Variants in PSME3IP1 observed in about 807,000 individuals in gnomAD.
PSME3IP1 encodes the protein PSME3-interacting protein.
PSME3IP1 carries 13 observed loss-of-function variants against 34.1 expected under a neutral mutation model. The ratio of observed to expected loss-of-function variants is 0.38; its 90% CI spans 0.25 to 0.61. PSME3IP1 has a LOEUF of 0.61. PSME3IP1 is among the 20% of genes least tolerant of loss of function. The pLI, the probability that PSME3IP1 is intolerant of heterozygous loss-of-function variation, is 0.60. For missense variants in PSME3IP1, 237 were observed against 301.4 expected, an observed-to-expected ratio of 0.79 and a Z score of 1.58; for synonymous variants, 93 against 114.3, an observed-to-expected ratio of 0.81 and a Z score of 1.19.
chr16:57,184,423 CACAAA>C lies in PSME3IP1; in HGVS notation c.-16+1393_-16+1397del, dbSNP rs78339973. ...CATAGTGGAAATACAGAAAACCAAA[CACAAA>C]ACAATCTTTTTTTTAAACTTGTCGA... On this transcript the variant is annotated intron_variant, in intron 1 of 6. Coordinates refer to ENST00000309137, the MANE Select transcript of PSME3IP1 (RefSeq NM_024946.4). 1.4e-3 allele frequency among the ~76,000 whole-genome samples: 208 copies of C among 152,258 alleles called. 5 individuals carry two copies. The East Asian group carries it at 0.031, about 22-fold the overall frequency.
intron 1 of PSME3IP1, chr16:57,178,407 T>C (rs150849477): frequency 9.8e-6 from 3 of 305,156 alleles, no homozygotes; most frequent in Non-Finnish European, 1.4e-5. Flanking sequence ...TCTTTGTGTT[T>C]TATCATCTGT....
intron 6 of PSME3IP1, among the ~76,000 whole-genome samples, chr16:57,157,806 C>T (rs563282398): frequency 6.6e-6 from 1 of 152,186 alleles, no homozygotes; most frequent in East Asian, 1.9e-4. Context: ...TGCAGCTGTG[C>T]TTGGGTAGAC....
intron 4 of PSME3IP1, among the ~76,000 whole-genome samples, chr16:57,167,823 A>G (rs1246954365): frequency 6.6e-6 from 1 of 152,204 alleles, no homozygotes; most frequent in Non-Finnish European, 1.5e-5. Context: ...GTGATTTTAC[A>G]CTTGATCTTA....
At position 57,185,889 on chromosome 16, in the gene PSME3IP1, C is replaced by T; in HGVS notation, c.-84G>A. ...CCACCCCAAACCGCCACCGCAGAGC[C>T]GCTCGCTCTTAAAAAAGAAAAAAAA... On this transcript the variant is annotated 5_prime_UTR_variant, in exon 1 of 7. Coordinates refer to ENST00000309137, the MANE Select transcript of PSME3IP1 (RefSeq NM_024946.4). 1 of 983,638 alleles carries T rather than the reference C, an allele frequency of 1.0e-6. No individual in the cohort carries two copies. The highest frequency in any genetic ancestry group is 1.2e-6 in the Non-Finnish European group (1 of 829,756). 60.9% of individuals were successfully genotyped at this position (983,638 alleles called of 1,614,324 possible). A position where few individuals can be genotyped will look rare whatever the true frequency, so the allele number is the denominator to read the frequency against.
chr16:57,159,795 T>C (rs1371407016), intron 6 of PSME3IP1, among the ~76,000 whole-genome samples: 1 of 152,216 alleles, frequency 6.6e-6, no homozygotes, highest in Non-Finnish European at 1.5e-5. Flanking sequence ...TTCATTTGTA[T>C]AGTTCCTACC....
At chr16:57,167,540 C>T (rs1162134459) in intron 4 of PSME3IP1, among the ~76,000 whole-genome samples, 1 of 152,120 alleles carries the variant, frequency 6.6e-6, no homozygotes, top group Non-Finnish European at 1.5e-5. Flanking sequence ...GAAAACAGAT[C>T]TTAAGGAATA....
intron 6 of PSME3IP1, among the ~76,000 whole-genome samples, chr16:57,161,447 A>C (rs1049345953): frequency 2.0e-5 from 3 of 151,820 alleles, no homozygotes; most frequent in Non-Finnish European, 4.4e-5. Context: ...TTATACCTCA[A>C]TACTTTTTTA....
intron 6 of PSME3IP1, among the ~76,000 whole-genome samples, chr16:57,156,857 G>A (rs1219230004): frequency 6.6e-6 from 1 of 152,198 alleles, no homozygotes; most frequent in Admixed American, 6.5e-5. Context: ...TGCTGTTCAG[G>A]GAGTACAGAG....
chr16:57,174,387 A>G (rs988646005), intron 1 of PSME3IP1: 1 of 939,324 alleles, frequency 1.1e-6, no homozygotes, highest in Non-Finnish European at 1.3e-6. Flanking sequence ...AATTTTTATT[A>G]ACATCGATGT....
Position 57,157,066 on chromosome 16 carries a change from G to A in PSME3IP1, c.548-2559C>T, listed in dbSNP as rs529693302. On this transcript the variant is annotated intron_variant, in intron 6 of 6. Coordinates refer to ENST00000309137, the MANE Select transcript of PSME3IP1 (RefSeq NM_024946.4). ...CTCATGCCTGTAATCCCAGCACTTT[G>A]GGAGGCCAAGGCAGGAGGATCATTT... 3.9e-5 allele frequency among the ~76,000 whole-genome samples: 6 copies of A among 152,254 alleles called. No homozygotes were observed. The South Asian group carries it at 6.2e-4, about 16-fold the overall frequency.
intron 4 of PSME3IP1, among the ~76,000 whole-genome samples, chr16:57,167,670 G>A (rs1263506998): frequency 3.9e-5 from 6 of 152,138 alleles, no homozygotes; most frequent in East Asian, 1.9e-4. Context: ...TAGACATCAC[G>A]AAGACTAACT....
Position 57,160,259 on chromosome 16 carries a change from C to A in PSME3IP1, c.547+3742G>T, listed in dbSNP as rs139955294. On this transcript the variant is annotated intron_variant, in intron 6 of 6. Coordinates refer to ENST00000309137, the MANE Select transcript of PSME3IP1 (RefSeq NM_024946.4). ...GAGCCGAGATTGCGCCACTGCAGTC[C>A]GCAGTCCGGCCTGGGCGACAGAGCG... Among the ~76,000 whole-genome samples the A allele has an allele frequency of 2.9e-4, 43 of 149,866 alleles. 1 individual carries two copies. The South Asian group carries it at 8.8e-3, about 31-fold the overall frequency.
chr16:57,174,715 C>G lies in PSME3IP1; in HGVS notation c.-15-846G>C, dbSNP rs151115854. ...TGTATAGCAGGGAAGGTGCACAAAC[C>G]ATGAATGGAGAAAGTGAGACTGGAA... On this transcript the variant is annotated intron_variant, in intron 1 of 6. Transcript: ENST00000309137. 5 of 983,742 alleles carry G rather than the reference C, an allele frequency of 5.1e-6. No individual in the cohort carries two copies. The Admixed American group carries it at 3.1e-4, about 60-fold the overall frequency. The allele number at this position is 983,742 out of a possible 1,614,324, so 60.9% of individuals were successfully genotyped here.
At chr16:57,168,803 CAAAAA>C (rs1189721344) in intron 4 of PSME3IP1, among the ~76,000 whole-genome samples, 1 of 23,902 alleles carries the variant, frequency 4.2e-5, no homozygotes, top group Non-Finnish European at 7.5e-5. Context: ...AACTCTGTCT[CAAAAA>C]AAAAAAAAAA....
At position 57,174,502 on chromosome 16, in the gene PSME3IP1, T is replaced by A; in HGVS notation, c.-15-633A>T. ...TCTCTGTCCCTCTAATCTAGAAAAA[T>A]TGGCCTCCTGAGCATCCCATCCTTT... On this transcript the variant is annotated intron_variant, in intron 1 of 6. Transcript: ENST00000309137. 7.1e-6 allele frequency: 7 copies of A among 985,424 alleles called. No individual in the cohort carries two copies. In the South Asian group the frequency reaches 3.3e-4, roughly 46 times the overall value. 61.0% of individuals were successfully genotyped at this position (985,424 alleles called of 1,614,324 possible).
intron 1 of PSME3IP1, chr16:57,178,935 A>C: frequency 3.1e-6 from 1 of 317,612 alleles, no homozygotes; most frequent in Non-Finnish European, 4.6e-6. Flanking sequence ...GATTGTGTTG[A>C]CTTCTAATTC....
rs777993320 is a variant in PSME3IP1, at chr16:57,173,784, C to T, written c.71G>A (p.Arg24Gln). The change falls in exon 2 of 7, where the codon CGG (arginine) becomes CAG (glutamine). Residue 24 changes from arginine to glutamine, a missense_variant. Physicochemically the swap from Arg to Gln is conservative, Grantham distance 43 (BLOSUM62 1). Coordinates refer to ENST00000309137, the MANE Select transcript of PSME3IP1 (RefSeq NM_024946.4). Reference protein sequence around the residue: ...RFVSEAELDERRKRRQEEWEK... With the variant: ...RFVSEAELDEQRKRRQEEWEK... ...CCATTCTTCTTGCCTCCTTTTGCGC[C>T]GTTCATCTAGTTCTGCCTCAGACAC... 6.2e-6 allele frequency: 10 copies of T among 1,613,886 alleles called. No homozygotes were observed. The highest frequency in any genetic ancestry group is 1.1e-5 in the South Asian group (1 of 91,068).
At chr16:57,159,587 G>C (rs1350868228) in intron 6 of PSME3IP1, among the ~76,000 whole-genome samples, 4 of 152,092 alleles carry the variant, frequency 2.6e-5, no homozygotes, top group African/African-American at 9.7e-5. Flanking sequence ...GCTAAGGACA[G>C]GGCTGAAGCA....
chr16:57,183,017 A>T lies in PSME3IP1; in HGVS notation c.-16+2804T>A, dbSNP rs573770031. Among the ~76,000 whole-genome samples, 6 of 152,374 alleles carry T rather than the reference A, an allele frequency of 3.9e-5. No homozygotes were observed. In the East Asian group the frequency reaches 1.2e-3, roughly 29 times the overall value. ...TGAGGAACTTACACTCATTCAGTAA[A>T]AGACATAAGGTTGGCACACAGCAAT... is the stretch of plus-strand genomic sequence containing the variant. On this transcript the variant is annotated intron_variant, in intron 1 of 6. Coordinates refer to ENST00000309137, the MANE Select transcript of PSME3IP1 (RefSeq NM_024946.4).
Sources: allele counts gnomAD v4.1 joint callset (sites outside exome capture counted in the v4.1 genomes callset), GRCh38; gene constraint gnomAD v4.1.1; transcripts MANE v1.5; gene names NCBI Gene and HGNC (gene_info 2026-07-23, HGNC 2026-07-21).